HEMK2: variants seen among roughly 807,000 people sequenced by gnomAD.
The protein encoded by HEMK2 is HemK methyltransferase 2, ETF1 glutamine and histone H4 lysine.
the HEMK2 span, chr21:28,878,415 C>A: frequency 1.3e-6 from 2 of 1,520,212 alleles, no homozygotes; most frequent in Admixed American, 1.8e-5. Flanking sequence ...CAAGTAATAT[C>A]ACCAAAAAAG....
chr21:28,604,051 G>C, the HEMK2 span, among the ~76,000 whole-genome samples: 1 of 152,166 alleles, frequency 6.6e-6, no homozygotes, highest in Non-Finnish European at 1.5e-5. Flanking sequence ...TCTGTGGCTG[G>C]AAGATCTTGC....
the HEMK2 span, among the ~76,000 whole-genome samples, chr21:28,864,889 T>TAGATGATATA: frequency 3.4e-4 from 32 of 95,502 alleles, no homozygotes; most frequent in African/African-American, 1.1e-3. Context: ...TAGATATAGA[T>TAGATGATATA]GATAGATAGA....
At chr21:28,831,634 G>GAAAA in the HEMK2 span, among the ~76,000 whole-genome samples, 1 of 36,464 alleles carries the variant, frequency 2.7e-5, no homozygotes, top group African/African-American at 1.6e-4. Context: ...AAAGAAGGAA[G>GAAAA]GAAAGAAAGA....
chr21:28,581,947 T>C, the HEMK2 span, among the ~76,000 whole-genome samples: 1 of 152,338 alleles, frequency 6.6e-6, no homozygotes, highest in African/African-American at 2.4e-5. Context: ...ACAATGTAGA[T>C]ATAATCTTTC....
At chr21:28,691,444 G>C in the HEMK2 span, among the ~76,000 whole-genome samples, 19 of 151,986 alleles carry the variant, frequency 1.3e-4, no homozygotes, top group African/African-American at 4.3e-4. Flanking sequence ...TCCATTTTTG[G>C]CCAGTGAGTT....
the HEMK2 span, among the ~76,000 whole-genome samples, chr21:28,634,693 T>C: frequency 2.0e-5 from 3 of 152,312 alleles, no homozygotes; most frequent in Admixed American, 6.5e-5. Context: ...TATATGAACT[T>C]AGACAATTTA....
the HEMK2 span, among the ~76,000 whole-genome samples, chr21:28,675,004 C>T: frequency 6.6e-6 from 1 of 152,178 alleles, no homozygotes; most frequent in African/African-American, 2.4e-5. Context: ...TCTGGGGGCA[C>T]ATCAACATTT....
chr21:28,575,879 A>G, the HEMK2 span, among the ~76,000 whole-genome samples: 2 of 152,212 alleles, frequency 1.3e-5, no homozygotes, highest in African/African-American at 2.4e-5. Context: ...TTCACTCAAC[A>G]TAAAGTTTCT....
chr21:28,659,279 C>T, the HEMK2 span, among the ~76,000 whole-genome samples: 8 of 152,170 alleles, frequency 5.3e-5, no homozygotes, highest in Admixed American at 3.3e-4. Flanking sequence ...CCACTGCAAG[C>T]GCTTCAGCTT....
At chr21:28,653,374 T>C in the HEMK2 span, among the ~76,000 whole-genome samples, 13 of 152,244 alleles carry the variant, frequency 8.5e-5, no homozygotes, top group Admixed American at 3.3e-4. Flanking sequence ...CTTGAACCCA[T>C]GACCACCCAC....
chr21:28,715,344 T>C, the HEMK2 span, among the ~76,000 whole-genome samples: 1 of 152,150 alleles, frequency 6.6e-6, no homozygotes, highest in South Asian at 2.1e-4. Context: ...GTCTGACTGA[T>C]GCAAGATGGT....
chr21:28,711,797 A>G, the HEMK2 span, among the ~76,000 whole-genome samples: 5 of 152,120 alleles, frequency 3.3e-5, no homozygotes. Context: ...AACAACAAAC[A>G]TTTATTTCTC....
the HEMK2 span, among the ~76,000 whole-genome samples, chr21:28,718,316 T>C: frequency 2.0e-5 from 3 of 152,230 alleles, no homozygotes; most frequent in Non-Finnish European, 2.9e-5. Flanking sequence ...ATTATTATTT[T>C]ACTGAGACTT....
chr21:28,678,456 C>T, the HEMK2 span, among the ~76,000 whole-genome samples: 1 of 152,138 alleles, frequency 6.6e-6, no homozygotes, highest in East Asian at 1.9e-4. Flanking sequence ...TGGAACCAAG[C>T]TGGAAAACAC....
At chr21:28,782,381 C>T in the HEMK2 span, among the ~76,000 whole-genome samples, 16 of 152,308 alleles carry the variant, frequency 1.1e-4, no homozygotes, top group Admixed American at 9.8e-4. Context: ...CCTATATCTT[C>T]AGGGAACAAT....
At chr21:28,602,024 C>T in the HEMK2 span, among the ~76,000 whole-genome samples, 1 of 152,204 alleles carries the variant, frequency 6.6e-6, no homozygotes, top group African/African-American at 2.4e-5. Context: ...ACATTGTCAT[C>T]AGATAATGGC....
chr21:28,873,032 T>C, the HEMK2 span: 1 of 152,220 alleles, frequency 6.6e-6, no homozygotes, highest in Non-Finnish European at 1.5e-5. Flanking sequence ...CCTTGTCAAC[T>C]TGGCACCCAT....
the HEMK2 span, among the ~76,000 whole-genome samples, chr21:28,880,515 C>T: frequency 0.062 from 9,374 of 152,066 alleles, 339 homozygotes; most frequent in Middle Eastern, 0.088. Flanking sequence ...GCGGATCATC[C>T]GAGCTCAGGA....
the HEMK2 span, among the ~76,000 whole-genome samples, chr21:28,647,654 T>A: frequency 6.6e-6 from 1 of 152,156 alleles, no homozygotes; most frequent in South Asian, 2.1e-4. Flanking sequence ...ACGCATTGCC[T>A]GTAAGAATTC....
Sources: allele counts gnomAD v4.1 joint callset (sites outside exome capture counted in the v4.1 genomes callset), GRCh38; gene constraint gnomAD v4.1.1; transcripts MANE v1.5; gene names NCBI Gene and HGNC (gene_info 2026-07-23, HGNC 2026-07-21).